Variants in NEDD4 observed in about 807,000 individuals in gnomAD.
The protein encoded by NEDD4 is E3 ubiquitin-protein ligase NEDD4.
In NEDD4, 99 loss-of-function variants were observed where a neutral mutation model predicts 144.9. The observed-to-expected ratio is 0.68, with a 90% CI of 0.58 to 0.81. The LOEUF (loss-of-function observed/expected upper bound fraction) is 0.81. Among genes scored for constraint, NEDD4 ranks in the 30% least tolerant of loss-of-function variants. The pLI is 0.00. For missense variants in NEDD4, 985 were observed against 1,065.9 expected, an observed-to-expected ratio of 0.92 and a Z score of 1.06; for synonymous variants, 318 against 350.6, an observed-to-expected ratio of 0.91 and a Z score of 1.04.
chr15:55,875,156 C>A (rs548432759), intron 5 of NEDD4, among the ~76,000 whole-genome samples: 1 of 149,310 alleles, frequency 6.7e-6, no homozygotes, highest in African/African-American at 2.5e-5. Flanking sequence ...CACAAGATGA[C>A]GCAGATCATG....
intron 5 of NEDD4, among the ~76,000 whole-genome samples, chr15:55,912,189 AC>A (rs1239515591): frequency 6.6e-6 from 1 of 152,232 alleles, no homozygotes; most frequent in Non-Finnish European, 1.5e-5. Flanking sequence ...AATAAATTTA[AC>A]CAAATCTCTC....
chr15:55,885,108 CAGT>C (rs1395209394), intron 5 of NEDD4, among the ~76,000 whole-genome samples: 1 of 152,182 alleles, frequency 6.6e-6, no homozygotes, highest in Non-Finnish European at 1.5e-5. Flanking sequence ...GCAGACTTTT[CAGT>C]GGAAACCTTA....
At chr15:55,867,030 A>G (rs1235476913) in intron 8 of NEDD4, among the ~76,000 whole-genome samples, 1 of 152,230 alleles carries the variant, frequency 6.6e-6, no homozygotes, top group East Asian at 1.9e-4. Flanking sequence ...TTTTATGTTA[A>G]TTTTGTAAAA....
intron 5 of NEDD4, among the ~76,000 whole-genome samples, chr15:55,901,246 G>C (rs1412496973): frequency 6.6e-6 from 1 of 151,976 alleles, no homozygotes; most frequent in African/African-American, 2.4e-5. Flanking sequence ...AAAAACTGAA[G>C]AGAAAAAAGT....
At chr15:55,964,229 T>C (rs2037471618) in intron 2 of NEDD4, among the ~76,000 whole-genome samples, 1 of 152,186 alleles carries the variant, frequency 6.6e-6, no homozygotes, top group Non-Finnish European at 1.5e-5. Flanking sequence ...GACTGTAAGA[T>C]ATTATATAAT....
intron 5 of NEDD4, among the ~76,000 whole-genome samples, chr15:55,891,047 T>C (rs1411028603): frequency 6.6e-6 from 1 of 152,182 alleles, no homozygotes; most frequent in Non-Finnish European, 1.5e-5. Flanking sequence ...AAATCACCTG[T>C]TTTTATTGCT....
intron 5 of NEDD4, among the ~76,000 whole-genome samples, chr15:55,917,949 T>C (rs1335046223): frequency 6.6e-6 from 1 of 152,136 alleles, no homozygotes; most frequent in South Asian, 2.1e-4. Context: ...CTAAAAAGGA[T>C]TTAGCACATC....
At chr15:55,974,604 G>A (rs7179719) in intron 1 of NEDD4, among the ~76,000 whole-genome samples, 22,621 of 152,034 alleles carry the variant, frequency 0.15, 1,826 homozygotes, top group East Asian at 0.32. Context: ...GGGATGAAAG[G>A]ATGGTTCAAC....
intron 11 of NEDD4, among the ~76,000 whole-genome samples, chr15:55,859,080 T>G (rs1427839020): frequency 6.6e-6 from 1 of 152,230 alleles, no homozygotes; most frequent in Non-Finnish European, 1.5e-5. Context: ...TAGCATATAG[T>G]ACTCTGCATA....
At chr15:55,905,258 C>T (rs1455780133) in intron 5 of NEDD4, 7 of 455,892 alleles carry the variant, frequency 1.5e-5, no homozygotes, top group Non-Finnish European at 8.8e-6. Flanking sequence ...ATCACCTTCA[C>T]TCCTGATTTG....
rs114481408 is a variant in NEDD4 at position 55,923,771 on chromosome 15, A to G, written c.291+875T>C. ...ATTGGCAATATCTTTAGTTGCCAGT[A>G]TAATTACCATTTCTTGAGGGCAAAA... is the stretch of plus-strand genomic sequence containing the variant. On this transcript the variant is annotated intron_variant, in intron 5 of 28. Coordinates refer to ENST00000435532, the MANE Select transcript of NEDD4 (RefSeq NM_006154.4). Among the ~76,000 whole-genome samples, 1,182 of 152,130 alleles carry G rather than the reference A, an allele frequency of 7.8e-3. 16 individuals are homozygous for G. Among genetic ancestry groups the G allele is most frequent in the African/African-American group, 0.027 (1,129 of 41,524 alleles).
intron 1 of NEDD4, among the ~76,000 whole-genome samples, chr15:55,975,771 G>GA (rs2037688741): frequency 6.6e-6 from 1 of 152,084 alleles, no homozygotes; most frequent in African/African-American, 2.4e-5. Context: ...CACAGAAACA[G>GA]AAAAAACAAT....
intron 4 of NEDD4, among the ~76,000 whole-genome samples, chr15:55,935,778 C>T (rs887854086): frequency 7.0e-6 from 1 of 142,676 alleles, no homozygotes; most frequent in Non-Finnish European, 1.5e-5. Context: ...ATCCGGGAGG[C>T]AGAGGTTGCA....
chr15:55,935,025 T>C (rs1053384889), intron 4 of NEDD4, among the ~76,000 whole-genome samples: 3 of 151,912 alleles, frequency 2.0e-5, no homozygotes, highest in African/African-American at 4.8e-5. Context: ...CCCACCACCA[T>C]GCCTGGCTAA....
chr15:55,963,026 C>T (rs1463326896), intron 2 of NEDD4, among the ~76,000 whole-genome samples: 1 of 151,782 alleles, frequency 6.6e-6, no homozygotes. Flanking sequence ...CTCAGGTGAT[C>T]CACCAGCCTC....
At chr15:55,972,100 A>G (rs2037620654) in intron 1 of NEDD4, among the ~76,000 whole-genome samples, 1 of 152,234 alleles carries the variant, frequency 6.6e-6, no homozygotes, top group Non-Finnish European at 1.5e-5. Flanking sequence ...AATCAACATC[A>G]GACCTAGCCT....
chr15:55,862,975 A>G lies in NEDD4; in HGVS notation c.612T>C (p.Leu204=). Residue 204 remains leucine (L), a synonymous_variant, in exon 9 of 29, where the codon CTT becomes CTC. Coordinates refer to ENST00000435532, the MANE Select transcript of NEDD4 (RefSeq NM_006154.4). ...CATGGTTTACATAATAGGTCCTTCC[A>G]AGGATATCCTGCCTCTCTTCCCACC... ...PPGWEERQDI[L]GRTYYVNHES... The G allele has an allele frequency of 1.2e-6, 2 of 1,607,832 alleles. No individual in the cohort carries two copies. Among genetic ancestry groups the G allele is most frequent in the Non-Finnish European group, 1.7e-6 (2 of 1,175,736 alleles).
intron 20 of NEDD4, 30 bp downstream of exon 20, chr15:55,840,576 T>C (rs1164365056): frequency 6.2e-7 from 1 of 1,613,586 alleles, no homozygotes; most frequent in Admixed American, 1.7e-5. Context: ...CAGGTAATTA[T>C]ATTGTAAAAA....
intron 27 of NEDD4, 148 bp from the exon 28 acceptor site, chr15:55,830,734 C>G (rs1423745392): frequency 6.1e-6 from 4 of 654,494 alleles, no homozygotes; most frequent in Non-Finnish European, 1.1e-5. Flanking sequence ...GGGTATCCCT[C>G]TGTCACCCAG....
Sources: allele counts gnomAD v4.1 joint callset (sites outside exome capture counted in the v4.1 genomes callset), GRCh38; gene constraint gnomAD v4.1.1; transcripts MANE v1.5; gene names NCBI Gene and HGNC (gene_info 2026-07-23, HGNC 2026-07-21).